COL6A3: variants seen among roughly 807,000 people sequenced by gnomAD.
COL6A3 encodes collagen alpha-3(VI) chain.
In COL6A3, 137 loss-of-function variants were observed where a neutral mutation model predicts 274.1. The ratio of observed to expected loss-of-function variants is 0.50; its 90% CI spans 0.44 to 0.58. The LOEUF (loss-of-function observed/expected upper bound fraction) is 0.58, where lower values mean the gene tolerates loss of function less well. COL6A3 is among the 20% of genes least tolerant of loss of function. COL6A3 has a pLI of 0.00. For missense variants in COL6A3, 3,950 were observed against 4,124.9 expected (o/e 0.96, Z 1.16); for synonymous variants, 1,650 against 1,650.6 (o/e 1.00, Z 0.01).
At chr2:237,391,048 A>C (rs2078273501) in intron 3 of COL6A3, among the ~76,000 whole-genome samples, 1 of 152,260 alleles carries the variant, frequency 6.6e-6, no homozygotes, top group African/African-American at 2.4e-5. Flanking sequence ...GAAGTTACCC[A>C]GCAGACAGGT....
intron 8 of COL6A3, among the ~76,000 whole-genome samples, chr2:237,373,749 T>C (rs1404354252): frequency 6.6e-6 from 1 of 152,036 alleles, no homozygotes; most frequent in Non-Finnish European, 1.5e-5. Context: ...TGGAGGACAT[T>C]TATTGAGAGG....
intron 21 of COL6A3, 140 bp from the exon 22 acceptor site, chr2:237,358,022 G>T: frequency 1.2e-6 from 1 of 817,970 alleles, no homozygotes. Context: ...AACCCATCCA[G>T]GTAACATCCA....
intron 42 of COL6A3, among the ~76,000 whole-genome samples, chr2:237,330,653 A>C (rs1700182077): frequency 6.6e-6 from 1 of 152,202 alleles, no homozygotes; most frequent in African/African-American, 2.4e-5. Context: ...TCTCCCTGCC[A>C]CATACCAAAC....
In COL6A3 at chr2:237,368,864, C is replaced by G; in HGVS notation, c.4599G>C (p.Gly1533=). The part of the protein sequence containing the change: ...VARNLFVKSA[G]SRIEDGVPQH... The stretch of plus-strand genomic sequence containing the variant: ...GGGGCACCCCGTCTTCTATGCGACT[C>G]CCCGCAGACTTAACAAAGAGGTTTC... The change falls in exon 10 of 44, where the codon GGG becomes GGC. Residue 1533 remains glycine (G), a synonymous_variant. Transcript: ENST00000295550. The surrounding 1 kb of genome is among the most constrained non-coding windows in gnomAD (Gnocchi z 4.4). 1 of 1,614,214 alleles carries G rather than the reference C, an allele frequency of 6.2e-7. No individual in the cohort carries two copies. The highest frequency in any genetic ancestry group is 1.1e-5 in the South Asian group (1 of 91,082).
intron 9 of COL6A3, among the ~76,000 whole-genome samples, chr2:237,370,054 G>T (rs1422616534): frequency 1.3e-5 from 2 of 150,926 alleles, no homozygotes; most frequent in South Asian, 2.1e-4. Flanking sequence ...TTGGATGAGG[G>T]TCTCACTGTG....
In COL6A3 at chr2:237,361,270, A is replaced by G; in HGVS notation, c.6157-96T>C. 3 of 1,087,522 alleles carry G rather than the reference A, an allele frequency of 2.8e-6. No individual in the cohort carries two copies. The highest frequency in any genetic ancestry group is 1.8e-5 in the Admixed American group (1 of 56,786). The allele number at this position is 1,087,522 out of a possible 1,614,324, so 67.4% of individuals were successfully genotyped here. On this transcript the variant is annotated intron_variant, in intron 15 of 43. Transcript: ENST00000295550. The surrounding 1 kb of genome is among the most constrained non-coding windows in gnomAD (Gnocchi z 5.1). ...GTCCCCCTTCATTTGGCAGAGCAGC[A>G]CTAAAACTCAGCATGGCTTTCCCTG...
Position 237,348,671 on chromosome 2 carries a change from T to C in COL6A3, c.6880-8A>G, listed in dbSNP as rs377004585. 2 of 1,613,854 alleles carry C rather than the reference T, an allele frequency of 1.2e-6. No individual in the cohort carries two copies. The highest frequency in any genetic ancestry group is 8.5e-7 in the Non-Finnish European group (1 of 1,179,940). On this transcript the variant is annotated splice_region_variant and splice_polypyrimidine_tract_variant and intron_variant, in intron 28 of 43. Coordinates refer to ENST00000295550, the MANE Select transcript of COL6A3 (RefSeq NM_004369.4). ...GTCTCTCCCGTCATCTCCCTAAGAG[T>C]GGGAAAGAGATGTGACTGTAGGTCG...
rs1156922421 is a variant in COL6A3, at chr2:237,357,895, T to C, written c.6472-13A>G. Reference sequence around the variant, plus strand: ...GTCCTGGGTTACCCTGAAAGCAACATGGGAAAGGGAAATGAGCCACATATG... The same window carrying C: ...GTCCTGGGTTACCCTGAAAGCAACACGGGAAAGGGAAATGAGCCACATATG... On this transcript the variant is annotated splice_polypyrimidine_tract_variant and intron_variant, in intron 21 of 43. Coordinates refer to ENST00000295550, the MANE Select transcript of COL6A3 (RefSeq NM_004369.4). 20 of 1,613,394 alleles carry C rather than the reference T, an allele frequency of 1.2e-5. No homozygotes were observed. The highest frequency in any genetic ancestry group is 1.7e-5 in the Non-Finnish European group (20 of 1,179,602).
intron 1 of COL6A3, among the ~76,000 whole-genome samples, chr2:237,409,293 T>C (rs2078795829): frequency 6.6e-6 from 1 of 152,130 alleles, no homozygotes; most frequent in African/African-American, 2.4e-5. Flanking sequence ...TTCTCTTTTT[T>C]TATTATTTTA....
Position 237,388,023 on chromosome 2 carries a change from T to G in COL6A3, c.871A>C (p.Arg291=), listed in dbSNP as rs1358196604. The change falls in exon 4 of 44, where the codon AGA becomes CGA. Residue 291 remains arginine (R), a synonymous_variant. Coordinates refer to ENST00000295550, the MANE Select transcript of COL6A3 (RefSeq NM_004369.4). ...TAGGTGTCCAAGGAGAACATGGTTC[T>G]GGGCTCATCGCTAAACTGGACCACC... The part of the protein sequence containing the change: ...VGVVQFSDEP[R]TMFSLDTYST... 1 of 1,614,102 alleles carries G rather than the reference T, an allele frequency of 6.2e-7. No individual in the cohort carries two copies. The highest frequency in any genetic ancestry group is 1.3e-5 in the African/African-American group (1 of 74,948).
rs1490710916 is a variant in COL6A3, at chr2:237,368,696, G to A, written c.4767C>T (p.Asp1589=). 6.2e-7 allele frequency: 1 copy of A among 1,614,116 alleles called. No homozygotes were observed. Among genetic ancestry groups the A allele is most frequent in the Non-Finnish European group, 8.5e-7 (1 of 1,180,028 alleles). ...DRTELQTITN[D]PRLVFTVREF... Reference sequence around the variant, plus strand: ...CTCGCACTGTGAAGACCAGTCTGGGGTCATTGGTGATGGTCTGCAGCTCTG... The same window carrying A: ...CTCGCACTGTGAAGACCAGTCTGGGATCATTGGTGATGGTCTGCAGCTCTG... The change falls in exon 10 of 44, where the codon GAC becomes GAT. Residue 1589 remains aspartate (D), a synonymous_variant. Coordinates refer to ENST00000295550, the MANE Select transcript of COL6A3 (RefSeq NM_004369.4). This position sits in a 1 kb window ranked among gnomAD's most constrained non-coding sequence, Gnocchi z 4.4.
chr2:237,374,003 C>T lies in COL6A3; in HGVS notation c.3679+409G>A, dbSNP rs746512722. Among the ~76,000 whole-genome samples the T allele has an allele frequency of 1.4e-4, 22 of 152,212 alleles. No individual in the cohort carries two copies. The highest frequency in any genetic ancestry group is 2.8e-4 in the Non-Finnish European group (19 of 68,044). The stretch of plus-strand genomic sequence containing the variant: ...CTATGTCCCAGCTTGCAGAGTGTCC[C>T]TGGTCAGACTCCTTCCTGCCTCACA... On this transcript the variant is annotated intron_variant, in intron 8 of 43. Coordinates refer to ENST00000295550, the MANE Select transcript of COL6A3 (RefSeq NM_004369.4). The surrounding 1 kb of genome is among the most constrained non-coding windows in gnomAD (Gnocchi z 4.8).
chr2:237,359,975 G>T, intron 17 of COL6A3, 113 bp downstream of exon 17: 1 of 1,102,934 alleles, frequency 9.1e-7, no homozygotes, highest in South Asian at 1.3e-5. Flanking sequence ...ACGGGCTGCT[G>T]AATGCTGAGG....
Position 237,372,281 on chromosome 2 carries a change from G to C in COL6A3, c.3736C>G (p.Pro1246Ala). The change falls in exon 9 of 44, where the codon CCT (proline) becomes GCT (alanine). Residue 1246 changes from proline to alanine, a missense_variant. Around this residue, in one of 5 missense-constraint regions of COL6A3, gnomAD observed 1,934 missense variants for 1,984.3 expected, o/e 0.97. Coordinates refer to ENST00000295550, the MANE Select transcript of COL6A3 (RefSeq NM_004369.4). Reference protein sequence around the residue: ...FLIDGSQSAGPEFQYVRTLIE... With the variant: ...FLIDGSQSAGAEFQYVRTLIE... ...AGGGTGCGAACGTACTGGAACTCAGGCCCGGCACTTTGGGACCCATCGATG... is the reference window on the plus strand; with the variant it reads ...AGGGTGCGAACGTACTGGAACTCAGCCCCGGCACTTTGGGACCCATCGATG... 6 of 1,612,944 alleles carry C rather than the reference G, an allele frequency of 3.7e-6. No homozygotes were observed. The highest frequency in any genetic ancestry group is 5.1e-6 in the Non-Finnish European group (6 of 1,180,036).
At chr2:237,341,888 G>A (rs2076996289) in intron 37 of COL6A3, among the ~76,000 whole-genome samples, 177 bp downstream of exon 37, 1 of 152,134 alleles carries the variant, frequency 6.6e-6, no homozygotes. Context: ...TGTTTTGGGA[G>A]GTCCATTTTT....
chr2:237,347,289 T>TCACACA (rs374430423), intron 31 of COL6A3, among the ~76,000 whole-genome samples: 1 of 150,956 alleles, frequency 6.6e-6, no homozygotes, highest in Non-Finnish European at 1.5e-5. Flanking sequence ...TGAGACCTTG[T>TCACACA]CACACACACA....
rs776513858 is a variant in COL6A3 at position 237,366,023 on chromosome 2, T to C, written c.5513A>G (p.Asp1838Gly). ...AGAACCATCAAACCCCAGAATCACA[T>C]CCAGATTACAAGCTGGAAAGGAGAA... ...VTDAAKACNL[D>G]VILGFDGSRD... Residue 1838 changes from aspartate to glycine, a missense_variant, in exon 12 of 44, where the codon GAT (aspartate) becomes GGT (glycine). Coordinates refer to ENST00000295550, the MANE Select transcript of COL6A3 (RefSeq NM_004369.4). 1 of 1,613,522 alleles carries C rather than the reference T, an allele frequency of 6.2e-7. No individual in the cohort carries two copies. Among genetic ancestry groups the C allele is most frequent in the Admixed American group, 1.7e-5 (1 of 60,026 alleles).
intron 7 of COL6A3, 79 bp from the exon 8 acceptor site, chr2:237,375,099 G>A (rs1350501113): frequency 1.9e-6 from 3 of 1,588,158 alleles, no homozygotes; most frequent in Non-Finnish European, 2.6e-6. Context: ...CTGCATAAGA[G>A]CATCACAGGG....
In COL6A3 at chr2:237,387,832, A is replaced by C; in HGVS notation, c.1062T>G (p.Ser354Arg). 2 of 1,614,138 alleles carry C rather than the reference A, an allele frequency of 1.2e-6. No homozygotes were observed. Among genetic ancestry groups the C allele is most frequent in the Non-Finnish European group, 1.7e-6 (2 of 1,180,028 alleles). Reference sequence around the variant, plus strand: ...GAATCTCGTCACTAGAAGGCCCGGCACTTATGAGGACCAGCACCTGGGGAA... The same window carrying C: ...GAATCTCGTCACTAGAAGGCCCGGCCCTTATGAGGACCAGCACCTGGGGAA... ...EGVPQVLVLISAGPSSDEIRY... is the reference protein window; with the variant it reads ...EGVPQVLVLIRAGPSSDEIRY... The change falls in exon 4 of 44, where the codon AGT (serine) becomes AGG (arginine). Residue 354 changes from serine (S) to arginine (R), a missense_variant. Coordinates refer to ENST00000295550, the MANE Select transcript of COL6A3 (RefSeq NM_004369.4).
Sources: allele counts gnomAD v4.1 joint callset (sites outside exome capture counted in the v4.1 genomes callset), GRCh38; gene constraint gnomAD v4.1.1; regional missense constraint gnomAD v4.1.1; non-coding constraint Gnocchi (gnomAD v3.1); transcripts MANE v1.5; gene names NCBI Gene and HGNC (gene_info 2026-07-23, HGNC 2026-07-21).